The following HMGCLL1 variants were observed in gnomAD, a reference collection of about 807,000 sequenced individuals.
HMGCLL1 encodes 3-hydroxymethyl-3-methylglutaryl-CoA lyase, cytoplasmic.
HMGCLL1 carries 36 observed loss-of-function variants against 39.1 expected under a neutral mutation model. The ratio of observed to expected loss-of-function variants is 0.92; its 90% CI spans 0.71 to 1.22. The LOEUF is 1.22. Ranked by LOEUF, HMGCLL1 falls within the 50% of genes most tolerant of loss-of-function variation. The pLI is 0.00. For synonymous variants in HMGCLL1, 149 were observed against 144.0 expected, an observed-to-expected ratio of 1.03 and a Z score of -0.25; for missense variants, 451 against 416.5, an observed-to-expected ratio of 1.08 and a Z score of -0.72.
At chr6:55,462,203 A>G (rs1176157351) in intron 7 of HMGCLL1, among the ~76,000 whole-genome samples, 1 of 152,142 alleles carries the variant, frequency 6.6e-6, no homozygotes, top group Non-Finnish European at 1.5e-5. Context: ...TTCCTTCTCT[A>G]TGCTTACCTT....
the HMGCLL1 span, among the ~76,000 whole-genome samples, chr6:55,651,061 C>T: frequency 6.6e-6 from 1 of 152,046 alleles, no homozygotes; most frequent in African/African-American, 2.4e-5. Flanking sequence ...ACCTAGGGTG[C>T]AAGGCAAAGT....
chr6:55,525,095 T>A (rs564522014), intron 3 of HMGCLL1, among the ~76,000 whole-genome samples: 1 of 151,988 alleles, frequency 6.6e-6, no homozygotes, highest in African/African-American at 2.4e-5. Flanking sequence ...GACCTCATCA[T>A]CATTCAAAGA....
At chr6:55,482,261 C>T (rs775528168) in intron 7 of HMGCLL1, among the ~76,000 whole-genome samples, 2 of 151,992 alleles carry the variant, frequency 1.3e-5, no homozygotes, top group African/African-American at 2.4e-5. Flanking sequence ...AGTTCTGTGT[C>T]TTTTTTTAAA....
chr6:55,613,908 T>C, the HMGCLL1 span, among the ~76,000 whole-genome samples: 3 of 152,094 alleles, frequency 2.0e-5, no homozygotes, highest in Admixed American at 2.0e-4. Context: ...CTTCACATTC[T>C]ACACATGTAT....
the HMGCLL1 span, among the ~76,000 whole-genome samples, chr6:55,677,005 G>A: frequency 6.6e-6 from 1 of 152,234 alleles, no homozygotes; most frequent in African/African-American, 2.4e-5. Flanking sequence ...GGGTGCTATT[G>A]TGGTAGATAT....
the HMGCLL1 span, among the ~76,000 whole-genome samples, chr6:55,588,012 A>C: frequency 6.6e-6 from 1 of 152,168 alleles, no homozygotes; most frequent in Non-Finnish European, 1.5e-5. Flanking sequence ...GAAAGTTAAC[A>C]AGGATATCCA....
intron 3 of HMGCLL1, among the ~76,000 whole-genome samples, chr6:55,521,342 G>GT (rs535568852): frequency 7.3e-4 from 111 of 152,100 alleles, no homozygotes; most frequent in African/African-American, 2.6e-3. Context: ...AGTTTCAACT[G>GT]TTTTTTTGTA....
At chr6:55,630,759 G>T in the HMGCLL1 span, among the ~76,000 whole-genome samples, 3 of 133,976 alleles carry the variant, frequency 2.2e-5, no homozygotes, top group African/African-American at 8.8e-5. Flanking sequence ...TCCTACACAA[G>T]CTCTCTTTGC....
At chr6:55,611,681 C>A in the HMGCLL1 span, among the ~76,000 whole-genome samples, 2 of 151,938 alleles carry the variant, frequency 1.3e-5, no homozygotes, top group South Asian at 4.2e-4. Context: ...TAAACATAAT[C>A]TGTCACTTAA....
intron 5 of HMGCLL1, among the ~76,000 whole-genome samples, chr6:55,509,954 T>C (rs746013412): frequency 3.9e-5 from 6 of 151,974 alleles, no homozygotes; most frequent in Non-Finnish European, 8.8e-5. Context: ...AAGCACATTT[T>C]ATTTAAAAAA....
chr6:55,538,892 T>C (rs1157134803), intron 3 of HMGCLL1, among the ~76,000 whole-genome samples: 1 of 152,002 alleles, frequency 6.6e-6, no homozygotes, highest in African/African-American at 2.4e-5. Context: ...AGAAAATTAG[T>C]TTCTTTTGAG....
At chr6:55,574,246 A>C (rs2127478285) in intron 1 of HMGCLL1, among the ~76,000 whole-genome samples, 1 of 152,098 alleles carries the variant, frequency 6.6e-6, no homozygotes, top group Admixed American at 6.6e-5. Context: ...GGTTGAAGGA[A>C]AGTAATCTGA....
chr6:55,608,227 C>T, the HMGCLL1 span, among the ~76,000 whole-genome samples: 3 of 152,150 alleles, frequency 2.0e-5, no homozygotes, highest in African/African-American at 7.2e-5. Flanking sequence ...CATGATGTGT[C>T]CTTTAATATG....
At chr6:55,634,336 T>A in the HMGCLL1 span, among the ~76,000 whole-genome samples, 1 of 151,948 alleles carries the variant, frequency 6.6e-6, no homozygotes, top group Non-Finnish European at 1.5e-5. Context: ...TAATAAGAAA[T>A]GAACAGGAAA....
intron 7 of HMGCLL1, among the ~76,000 whole-genome samples, chr6:55,449,556 A>AT (rs1162724047): frequency 6.6e-6 from 1 of 152,218 alleles, no homozygotes; most frequent in African/African-American, 2.4e-5. Context: ...AGCATAGCCA[A>AT]TTGGAACGGA....
At chr6:55,552,134 C>T (rs1373005508) in intron 1 of HMGCLL1, among the ~76,000 whole-genome samples, 2 of 151,826 alleles carry the variant, frequency 1.3e-5, no homozygotes, top group South Asian at 4.1e-4. Flanking sequence ...AACAAACAAA[C>T]ACACACAAAA....
upstream of HMGCLL1, among the ~76,000 whole-genome samples, chr6:55,580,770 C>T (rs1771971241): frequency 6.6e-6 from 1 of 152,068 alleles, no homozygotes; most frequent in African/African-American, 2.4e-5. Context: ...TATCCAATTC[C>T]TGGATGCGCT....
chr6:55,523,191 G>T (rs539196288), intron 3 of HMGCLL1, among the ~76,000 whole-genome samples: 9 of 151,962 alleles, frequency 5.9e-5, no homozygotes, highest in Admixed American at 4.6e-4. Flanking sequence ...GGCTCAAATT[G>T]TTTCCCTACC....
the HMGCLL1 span, among the ~76,000 whole-genome samples, chr6:55,640,370 G>C: frequency 6.6e-6 from 1 of 151,940 alleles, no homozygotes; most frequent in Non-Finnish European, 1.5e-5. Context: ...ATAACTAGAC[G>C]CTTGCCTACT....
Sources: allele counts gnomAD v4.1 joint callset (sites outside exome capture counted in the v4.1 genomes callset), GRCh38; gene constraint gnomAD v4.1.1; transcripts MANE v1.5; gene names NCBI Gene and HGNC (gene_info 2026-07-23, HGNC 2026-07-21).